Variants in GLB1L observed in about 807,000 individuals in gnomAD.
GLB1L encodes galactosidase beta 1 like, also known as beta-galactosidase-1-like protein.
A neutral mutation model predicts 75.7 loss-of-function variants in GLB1L; 58 were observed. That is an observed-to-expected ratio of 0.77 (90% CI 0.62 to 0.95). The LOEUF is 0.95. GLB1L is among the 40% of genes least tolerant of loss of function. GLB1L has a pLI of 0.00. For synonymous variants in GLB1L, 296 were observed against 303.0 expected, an observed-to-expected ratio of 0.98 and a Z score of 0.24; for missense variants, 797 against 805.5, an observed-to-expected ratio of 0.99 and a Z score of 0.13.
intron 11 of GLB1L, 49 bp from the exon 12 acceptor site, chr2:219,238,828 A>C: frequency 6.7e-7 from 1 of 1,501,044 alleles, no homozygotes; most frequent in Non-Finnish European, 9.2e-7. Flanking sequence ...AGAAAACAAT[A>C]CCTATTCCAA....
At position 219,237,972 on chromosome 2, in the gene GLB1L, T is replaced by C. The variant is rs369550135; in HGVS notation, c.1342-15A>G. On this transcript the variant is annotated splice_polypyrimidine_tract_variant and intron_variant, in intron 14 of 16. Transcript: ENST00000295759. ...CCCTGGAACACCTGTGGATAGGAGA[T>C]AGGATAGGAGCAAGGCTCAGCATCT... 426 of 1,613,854 alleles carry C rather than the reference T, an allele frequency of 2.6e-4. No homozygotes were observed. Among genetic ancestry groups the C allele is most frequent in the Non-Finnish European group, 3.3e-4 (393 of 1,179,828 alleles).
At chr2:219,237,765 G>A (rs1951286009) in intron 15 of GLB1L, 38 bp from the exon 16 acceptor site, 37 of 1,612,830 alleles carry the variant, frequency 2.3e-5, no homozygotes, top group Non-Finnish European at 3.1e-5. Flanking sequence ...CATTCACTAA[G>A]CTTTGAAGCT....
At chr2:219,243,033 C>T (rs975563522) in intron 3 of GLB1L, 115 bp from the exon 4 acceptor site, 12 of 1,550,526 alleles carry the variant, frequency 7.7e-6, no homozygotes, top group African/African-American at 2.7e-5. Context: ...CTGGCCTGCC[C>T]TTTCCCACCC....
At chr2:219,238,009 A>G in intron 14 of GLB1L, 52 bp from the exon 15 acceptor site, 1 of 1,584,956 alleles carries the variant, frequency 6.3e-7, no homozygotes, top group Non-Finnish European at 8.6e-7. Flanking sequence ...GCTCTTAGCC[A>G]CTGCATAGGA....
chr2:219,243,003 G>C lies in GLB1L; in HGVS notation c.240-85C>G, dbSNP rs538276613. The C allele has an allele frequency of 3.2e-6, 5 of 1,577,208 alleles. No homozygotes were observed. The Admixed American group carries it at 8.5e-5, about 27-fold the overall frequency. On this transcript the variant is annotated intron_variant, in intron 3 of 16. Coordinates refer to ENST00000295759, the MANE Select transcript of GLB1L (RefSeq NM_001286423.2). Reference sequence around the variant, plus strand: ...CTCAGGCCTTGCAGGGAATCTCCAGGAAGCGGTTGGAAGGAGGTCCTGGCC... The same window carrying C: ...CTCAGGCCTTGCAGGGAATCTCCAGCAAGCGGTTGGAAGGAGGTCCTGGCC...
intron 10 of GLB1L, 92 bp from the exon 11 acceptor site, chr2:219,239,302 G>C: frequency 2.8e-6 from 4 of 1,452,580 alleles, no homozygotes; most frequent in East Asian, 2.3e-5. Context: ...GCCATCAGAG[G>C]GGGCAGAGGT....
At chr2:219,242,464 A>G in intron 5 of GLB1L, 50 bp downstream of exon 5, 1 of 1,341,270 alleles carries the variant, frequency 7.5e-7, no homozygotes, top group South Asian at 1.2e-5. Context: ...GCACCCAAAT[A>G]GCCCATTTTA....
intron 14 of GLB1L, 73 bp downstream of exon 14, chr2:219,238,177 T>G: frequency 8.6e-7 from 1 of 1,167,340 alleles, no homozygotes; most frequent in South Asian, 1.4e-5. Flanking sequence ...AGTGTAAATA[T>G]GGGGAACTTA....
At chr2:219,243,722 C>G in intron 1 of GLB1L, 79 bp from the exon 2 acceptor site, 1 of 690,436 alleles carries the variant, frequency 1.4e-6, no homozygotes, top group Non-Finnish European at 2.6e-6. Flanking sequence ...TGCAGCCACC[C>G]CCTTACTCTA....
At position 219,243,490 on chromosome 2, in the gene GLB1L, G is replaced by T. The variant is rs779137793; in HGVS notation, c.72+12C>A. 1.8e-5 allele frequency: 29 copies of T among 1,613,988 alleles called. No homozygotes were observed. The highest frequency in any genetic ancestry group is 2.4e-5 in the Non-Finnish European group (28 of 1,179,930). ...ACCGCACCCGGCAGGCTGGTTCACC[G>T]TCTCATCTTACCTGGGGCAGCAGTA... On this transcript the variant is annotated intron_variant, in intron 2 of 16. Transcript: ENST00000295759.
Position 219,238,329 on chromosome 2 carries a change from G to T in GLB1L, c.1262C>A (p.Thr421Asn). 1 of 1,612,504 alleles carries T rather than the reference G, an allele frequency of 6.2e-7. No homozygotes were observed. Among genetic ancestry groups the T allele is most frequent in the Non-Finnish European group, 8.5e-7 (1 of 1,179,134 alleles). ...TGGTGTTGGCTCAAAAATGGTATGG[G>T]TCATATAGGTTCGGTACAACATGAA... ...HGFMLYRTYMTHTIFEPTPFW... is the reference protein window; with the variant it reads ...HGFMLYRTYMNHTIFEPTPFW... The change falls in exon 14 of 17, where the codon ACC becomes AAC. Residue 421 changes from threonine (T) to asparagine (N), a missense_variant. Thr to Asn is a moderately conservative substitution (Grantham distance 65). Transcript: ENST00000295759.
chr2:219,239,053 T>C, intron 11 of GLB1L, 39 bp downstream of exon 11: 1 of 1,393,646 alleles, frequency 7.2e-7, no homozygotes, highest in Non-Finnish European at 1.0e-6. Flanking sequence ...TCCTCCAAAT[T>C]AATAAAAGCC....
Position 219,238,256 on chromosome 2 carries a change from C to T in GLB1L, c.1335G>A (p.Val445=). Residue 445 remains valine (V), a synonymous_variant, in exon 14 of 17, where the codon GTG becomes GTA. Transcript: ENST00000295759. ...CCTGGAATTAGGTTCTCACCCCATC[C>T]ACCATCACATAGGCACGGTCATGGA... The part of the protein sequence containing the change: ...NGVHDRAYVM[V]DGVFQGVVER... 6.3e-7 allele frequency: 1 copy of T among 1,596,254 alleles called. No individual in the cohort carries two copies. Among genetic ancestry groups the T allele is most frequent in the South Asian group, 1.1e-5 (1 of 89,248 alleles).
rs769631795 is a variant in GLB1L at position 219,237,819 on chromosome 2, A to G, written c.1473+7T>C. 107 of 1,613,932 alleles carry G rather than the reference A, an allele frequency of 6.6e-5. No homozygotes were observed. The highest frequency in any genetic ancestry group is 8.1e-5 in the Non-Finnish European group (96 of 1,179,938). Reference sequence around the variant, plus strand: ...CCCTGGGATATAACTAGGCAAAGCTAGCTCACCTTGAAGTCACTGCTGTTA... The same window carrying G: ...CCCTGGGATATAACTAGGCAAAGCTGGCTCACCTTGAAGTCACTGCTGTTA... On this transcript the variant is annotated splice_region_variant and intron_variant, in intron 15 of 16. Coordinates refer to ENST00000295759, the MANE Select transcript of GLB1L (RefSeq NM_001286423.2).
rs746658456 is a variant in GLB1L, at chr2:219,238,505, G to A, written c.1217C>T (p.Ala406Val). The change falls in exon 13 of 17, where the codon GCT (alanine) becomes GTT (valine). Residue 406 changes from alanine (A) to valine (V), a missense_variant. Transcript: ENST00000295759. ...IHSILPMTFEAVKQDHGFMLY... is the reference protein window; with the variant it reads ...IHSILPMTFEVVKQDHGFMLY... ...GGGTTTATGCCTTACCTGCTTGACA[G>A]CCTCAAAGGTCATTGGCAAGATTGA... 7 of 1,613,834 alleles carry A rather than the reference G, an allele frequency of 4.3e-6. No individual in the cohort carries two copies. In the East Asian group the frequency reaches 1.3e-4, roughly 31 times the overall value.
chr2:219,242,487 T>C (rs375052807), intron 5 of GLB1L, 27 bp downstream of exon 5: 1 of 1,576,034 alleles, frequency 6.3e-7, no homozygotes, highest in African/African-American at 1.3e-5. Context: ...TACTTGCTTC[T>C]GTGTTAAATC....
chr2:219,237,037 A>G lies in GLB1L; in HGVS notation c.*35T>C. On this transcript the variant is annotated 3_prime_UTR_variant, in exon 17 of 17. Coordinates refer to ENST00000295759, the MANE Select transcript of GLB1L (RefSeq NM_001286423.2). ...CGTCTCAGCCTCCCAAAGTGCTGGG[A>G]TTACAGGCATGAGCCACCATGCCCG... 1 of 1,525,404 alleles carries G rather than the reference A, an allele frequency of 6.6e-7. No individual in the cohort carries two copies. The highest frequency in any genetic ancestry group is 1.7e-5 in the Admixed American group (1 of 58,568). The allele number at this position is 1,525,404 out of a possible 1,614,324, so 94.5% of individuals were successfully genotyped here.
chr2:219,242,940 A>G, intron 3 of GLB1L, 22 bp from the exon 4 acceptor site: 1 of 1,613,850 alleles, frequency 6.2e-7, no homozygotes, highest in East Asian at 2.2e-5. Flanking sequence ...AGAGGTTAAT[A>G]GGAACCAAGG....
intron 16 of GLB1L, 33 bp from the exon 17 acceptor site, chr2:219,237,380 G>C: frequency 6.2e-7 from 1 of 1,605,724 alleles, no homozygotes; most frequent in Non-Finnish European, 8.5e-7. Context: ...GAGGGGAAAA[G>C]AAAGGGTCAG....
Sources: gnomAD v4.1 joint callset for allele counts on GRCh38, gnomAD v4.1.1 for gene constraint, MANE v1.5 for transcripts, NCBI Gene and HGNC (gene_info 2026-07-23, HGNC 2026-07-21) for gene names.